Variants in TMC1 observed in about 807,000 individuals in gnomAD.
The protein encoded by TMC1 is transmembrane channel like 1.
In TMC1, 84 loss-of-function variants were observed where a neutral mutation model predicts 105.8. That is an observed-to-expected ratio of 0.79 (90% CI 0.67 to 0.95). TMC1 has a LOEUF of 0.95. Among genes scored for constraint, TMC1 ranks in the 40% least tolerant of loss-of-function variants. The pLI is 0.00. For synonymous variants in TMC1, 315 were observed against 311.5 expected, an observed-to-expected ratio of 1.01 and a Z score of -0.12; for missense variants, 817 against 914.1, an observed-to-expected ratio of 0.89 and a Z score of 1.37.
intron 5 of TMC1, among the ~76,000 whole-genome samples, chr9:72,675,781 C>A (rs1048607502): frequency 6.6e-6 from 1 of 152,144 alleles, no homozygotes; most frequent in Non-Finnish European, 1.5e-5. Flanking sequence ...TGACCCCACC[C>A]CATGCCTTTT....
chr9:72,699,454 C>G (rs1415995146), intron 7 of TMC1, among the ~76,000 whole-genome samples: 1 of 151,972 alleles, frequency 6.6e-6, no homozygotes, highest in African/African-American at 2.4e-5. Flanking sequence ...CTTTCTTTCT[C>G]TTGAGACAGG....
At chr9:72,755,530 T>C (rs542760207) in intron 12 of TMC1, among the ~76,000 whole-genome samples, 109 of 152,314 alleles carry the variant, frequency 7.2e-4, no homozygotes, top group African/African-American at 2.6e-3. Flanking sequence ...CTCCCTTAGG[T>C]AGAGATTATT....
chr9:72,817,059 A>C (rs972184117), intron 19 of TMC1: 1 of 152,134 alleles, frequency 6.6e-6, no homozygotes, highest in Non-Finnish European at 1.5e-5. Context: ...CAGTTTTTGA[A>C]CAAGTTTCAT....
At chr9:72,834,632 T>G (rs367926647) in intron 23 of TMC1, among the ~76,000 whole-genome samples, 1 of 152,170 alleles carries the variant, frequency 6.6e-6, no homozygotes. Flanking sequence ...GGCTCAGCTT[T>G]CAACCTACAA....
intron 8 of TMC1, among the ~76,000 whole-genome samples, chr9:72,738,004 G>T (rs568032947): frequency 6.6e-6 from 1 of 152,130 alleles, no homozygotes; most frequent in Non-Finnish European, 1.5e-5. Context: ...TTGCTTTCAA[G>T]CATTAATTAT....
intron 17 of TMC1, 40 bp from the exon 18 acceptor site, chr9:72,805,342 G>A (rs1164725566): frequency 1.9e-5 from 30 of 1,609,926 alleles, no homozygotes; most frequent in Non-Finnish European, 2.4e-5. Flanking sequence ...ACCATTTGAA[G>A]ACAGAACTGT....
chr9:72,656,137 C>A, intron 5 of TMC1: 1 of 636,512 alleles, frequency 1.6e-6, no homozygotes, highest in Non-Finnish European at 3.0e-6. Flanking sequence ...GATTCGAATT[C>A]GGTGAATTGC....
chr9:72,668,530 A>G (rs1407492893), intron 5 of TMC1, among the ~76,000 whole-genome samples: 1 of 152,238 alleles, frequency 6.6e-6, no homozygotes. Context: ...ATCTAAGAAT[A>G]GAATAGTCCA....
chr9:72,552,817 A>G (rs1823878314), intron 1 of TMC1, among the ~76,000 whole-genome samples: 1 of 152,072 alleles, frequency 6.6e-6, no homozygotes, highest in Admixed American at 6.6e-5. Flanking sequence ...TGGCTGATCT[A>G]TTTATCATAT....
chr9:72,713,624 T>G (rs989144925), intron 8 of TMC1, among the ~76,000 whole-genome samples: 2 of 152,146 alleles, frequency 1.3e-5, no homozygotes, highest in African/African-American at 4.8e-5. Flanking sequence ...TGATATACCC[T>G]TTATCATTTT....
chr9:72,753,706 G>C (rs1200994551), intron 11 of TMC1, among the ~76,000 whole-genome samples: 2 of 152,126 alleles, frequency 1.3e-5, no homozygotes, highest in Non-Finnish European at 2.9e-5. Flanking sequence ...CCAGAGGCCA[G>C]GGCAGTCATC....
At chr9:72,636,902 G>A (rs919039345) in intron 4 of TMC1, among the ~76,000 whole-genome samples, 2 of 152,078 alleles carry the variant, frequency 1.3e-5, no homozygotes, top group Non-Finnish European at 2.9e-5. Flanking sequence ...TGCTATTGGT[G>A]TTGTGGGCAG....
intron 4 of TMC1, among the ~76,000 whole-genome samples, chr9:72,631,100 A>C (rs1825441465): frequency 1.3e-5 from 2 of 151,980 alleles, no homozygotes; most frequent in Non-Finnish European, 2.9e-5. Flanking sequence ...AGTCCTCCCA[A>C]AGTGCTGGGC....
chr9:72,829,697 G>A (rs1028418415), intron 21 of TMC1, among the ~76,000 whole-genome samples: 1 of 152,198 alleles, frequency 6.6e-6, no homozygotes, highest in Non-Finnish European at 1.5e-5. Context: ...ATTTTGGGGA[G>A]TAGAGGAAAT....
At chr9:72,812,273 G>T (rs1478884835) in intron 18 of TMC1, among the ~76,000 whole-genome samples, 1 of 152,138 alleles carries the variant, frequency 6.6e-6, no homozygotes, top group Non-Finnish European at 1.5e-5. Context: ...TTCTCTAGCT[G>T]GGAACGTGGA....
intron 12 of TMC1, among the ~76,000 whole-genome samples, chr9:72,767,474 G>A (rs1484985210): frequency 6.6e-6 from 1 of 152,102 alleles, no homozygotes; most frequent in East Asian, 1.9e-4. Context: ...GAGCCTTTTG[G>A]GGACCTCTGA....
intron 8 of TMC1, among the ~76,000 whole-genome samples, chr9:72,729,187 AT>A (rs1299328095): frequency 6.6e-6 from 1 of 152,186 alleles, no homozygotes; most frequent in African/African-American, 2.4e-5. Context: ...CTTCATGAGT[AT>A]CATCAGAACT....
intron 5 of TMC1, among the ~76,000 whole-genome samples, chr9:72,655,604 T>C (rs1431888679): frequency 6.6e-6 from 1 of 152,002 alleles, no homozygotes; most frequent in Non-Finnish European, 1.5e-5. Context: ...TAGCCAGGCA[T>C]GGTGGTGGGC....
chr9:72,776,640 C>T (rs931940481), intron 13 of TMC1, among the ~76,000 whole-genome samples: 3 of 152,142 alleles, frequency 2.0e-5, no homozygotes, highest in Non-Finnish European at 2.9e-5. Flanking sequence ...CTTCTCCTTA[C>T]GTAGGCCAAG....
Sources: gnomAD v4.1 joint callset for allele counts (sites outside exome capture counted in the v4.1 genomes callset) on GRCh38, gnomAD v4.1.1 for gene constraint, MANE v1.5 for transcripts, NCBI Gene and HGNC (gene_info 2026-07-23, HGNC 2026-07-21) for gene names.